Variants in TNNI3K observed in about 807,000 individuals in gnomAD.
The protein encoded by TNNI3K is serine/threonine-protein kinase TNNI3K.
A neutral mutation model predicts 114.5 loss-of-function variants in TNNI3K; 140 were observed. That is an observed-to-expected ratio of 1.22 (90% CI 1.07 to 1.41). The LOEUF is 1.41. Ranked by LOEUF, TNNI3K falls within the 40% of genes most tolerant of loss-of-function variation. The pLI, the probability that TNNI3K is intolerant of heterozygous loss-of-function variation, is 0.00. For missense variants in TNNI3K, 1,125 were observed against 1,007.6 expected (o/e 1.12, Z -1.58); for synonymous variants, 347 against 347.5 (o/e 1.00, Z 0.02).
chr1:74,480,761 G>C lies in TNNI3K; in HGVS notation c.2122-8428G>C, dbSNP rs373331354. ...GTGAAGCTTGCTGAAGGTGTGATCA[G>C]TGAGCGAAGAGCTGGATATTTGGTT... is the stretch of plus-strand genomic sequence containing the variant. On this transcript the variant is annotated intron_variant, in intron 21 of 24. Transcript: ENST00000326637. 6.7e-5 allele frequency: 48 copies of C among 717,530 alleles called. No homozygotes were observed. In the East Asian group the frequency reaches 1.3e-3, roughly 19 times the overall value. The allele number at this position is 717,530 out of a possible 1,614,324, so 44.4% of individuals were successfully genotyped here. A position where few individuals can be genotyped will look rare whatever the true frequency, so the allele number is the denominator to read the frequency against.
chr1:74,492,138 A>C lies in TNNI3K; in HGVS notation c.2223A>C (p.Ser741=), dbSNP rs762961584. Residue 741 remains serine (S), a synonymous_variant, in exon 23 of 25, where the codon TCA becomes TCC. Coordinates refer to ENST00000326637, the MANE Select transcript of TNNI3K (RefSeq NM_015978.3). ...CAAGTAACAGCAGTGGGTCTCTCTC[A>C]CCTTCTTCTTCTTCTGATTGCCTGG... ...PASSNSSGSL[S]PSSSSDCLVN... is the part of the protein sequence containing the mutation. The C allele has an allele frequency of 6.2e-7, 1 of 1,611,968 alleles. No homozygotes were observed. The highest frequency in any genetic ancestry group is 8.5e-7 in the Non-Finnish European group (1 of 1,178,544).
intron 20 of TNNI3K, among the ~76,000 whole-genome samples, chr1:74,446,896 C>T (rs1666718641): frequency 2.1e-5 from 3 of 143,094 alleles, no homozygotes; most frequent in South Asian, 4.8e-4. Context: ...TTCCATTGAT[C>T]TATATCTCTG....
chr1:74,470,437 G>A (rs1426166302), intron 21 of TNNI3K: 2 of 400,514 alleles, frequency 5.0e-6, no homozygotes, highest in Non-Finnish European at 8.8e-6. Flanking sequence ...CAATGCATTT[G>A]TGCTGTCAAT....
At chr1:74,409,492 C>CTTTTTTTT (rs540218540) in intron 17 of TNNI3K, among the ~76,000 whole-genome samples, 3 of 124,910 alleles carry the variant, frequency 2.4e-5, no homozygotes, top group Admixed American at 8.1e-5. Flanking sequence ...CTATTTGTTT[C>CTTTTTTTT]TTTTTTTTTT....
At chr1:74,475,607 C>A (rs1332147088) in intron 21 of TNNI3K, 1 of 717,324 alleles carries the variant, frequency 1.4e-6, no homozygotes, top group East Asian at 2.7e-5. Flanking sequence ...CTGGACCCCA[C>A]AGTGGACATG....
At chr1:74,486,484 TTG>T (rs1364173729) in intron 21 of TNNI3K, among the ~76,000 whole-genome samples, 3 of 143,212 alleles carry the variant, frequency 2.1e-5, no homozygotes, top group Admixed American at 7.1e-5. Context: ...ATCACTTTTT[TTG>T]TGTGTGTTTT....
chr1:74,471,628 TTCTG>T (rs1164564695), intron 21 of TNNI3K: 4 of 400,720 alleles, frequency 1.0e-5, no homozygotes, highest in South Asian at 2.5e-4. Context: ...ACTTTGATTT[TTCTG>T]TCGTTTCCAA....
intron 4 of TNNI3K, among the ~76,000 whole-genome samples, chr1:74,268,029 A>G: frequency 6.6e-6 from 1 of 151,966 alleles, no homozygotes; most frequent in Non-Finnish European, 1.5e-5. Context: ...ATTAATAAAT[A>G]TTTGTTGAAT....
At chr1:74,533,890 A>T (rs1255522181) in intron 23 of TNNI3K, among the ~76,000 whole-genome samples, 2 of 152,132 alleles carry the variant, frequency 1.3e-5, no homozygotes, top group Non-Finnish European at 1.5e-5. Flanking sequence ...TATTAAATGG[A>T]GTGTGTTTTA....
chr1:74,522,226 G>A (rs916541835), intron 23 of TNNI3K, among the ~76,000 whole-genome samples: 1 of 152,154 alleles, frequency 6.6e-6, no homozygotes, highest in Admixed American at 6.5e-5. Flanking sequence ...ATAGACTCAG[G>A]GGCTTCAAAG....
At chr1:74,351,278 A>C (rs1288005166) in intron 9 of TNNI3K, among the ~76,000 whole-genome samples, 3 of 150,790 alleles carry the variant, frequency 2.0e-5, no homozygotes, top group African/African-American at 7.4e-5. Context: ...TTTCTTTAAG[A>C]ATGTTGAATA....
chr1:74,357,891 T>A (rs1661747357), intron 11 of TNNI3K, among the ~76,000 whole-genome samples: 1 of 152,134 alleles, frequency 6.6e-6, no homozygotes, highest in South Asian at 2.1e-4. Flanking sequence ...TGAATCAATT[T>A]AAATTGGTCA....
chr1:74,424,912 A>G (rs1467224029), intron 17 of TNNI3K, among the ~76,000 whole-genome samples: 1 of 152,130 alleles, frequency 6.6e-6, no homozygotes, highest in East Asian at 1.9e-4. Context: ...CTGGAGAAAT[A>G]TGAGATCTGT....
At chr1:74,348,728 G>A (rs1289471783) in intron 9 of TNNI3K, among the ~76,000 whole-genome samples, 1 of 152,046 alleles carries the variant, frequency 6.6e-6, no homozygotes, top group African/African-American at 2.4e-5. Context: ...CTTGTAAGTT[G>A]GATTCCTAGG....
At chr1:74,481,713 T>C (rs1252820073) in intron 21 of TNNI3K, among the ~76,000 whole-genome samples, 3 of 152,192 alleles carry the variant, frequency 2.0e-5, no homozygotes, top group African/African-American at 7.2e-5. Context: ...GAGCTATCAC[T>C]GCTCTGTCAT....
intron 23 of TNNI3K, among the ~76,000 whole-genome samples, chr1:74,517,408 T>C (rs1255268176): frequency 1.3e-5 from 2 of 152,198 alleles, no homozygotes; most frequent in African/African-American, 2.4e-5. Flanking sequence ...GATTCATATG[T>C]CAAACCTTCA....
At chr1:74,439,314 A>G (rs1362653071) in intron 19 of TNNI3K, 176 bp from the exon 20 acceptor site, 16 of 904,262 alleles carry the variant, frequency 1.8e-5, no homozygotes, top group South Asian at 2.7e-5. Context: ...CACACTGTGT[A>G]TGTATAAACA....
At position 74,451,616 on chromosome 1, in the gene TNNI3K, T is replaced by C. The variant is rs969109029; in HGVS notation, c.2012-11825T>C. Among the ~76,000 whole-genome samples, 3 of 149,344 alleles carry C rather than the reference T, an allele frequency of 2.0e-5. No homozygotes were observed. The East Asian group carries it at 6.0e-4, about 30-fold the overall frequency. On this transcript the variant is annotated intron_variant, in intron 20 of 24. Transcript: ENST00000326637. ...TCCTTCCTTTCTTTTCTTTCTTTCC[T>C]TCCTTCCTTCCTTTTCTTTTTCTTT...
chr1:74,356,044 T>C (rs1265273052), intron 11 of TNNI3K, among the ~76,000 whole-genome samples: 1 of 152,160 alleles, frequency 6.6e-6, no homozygotes, highest in Non-Finnish European at 1.5e-5. Context: ...TCTCTTCCAA[T>C]CACTCCCCTA....
Sources: allele counts gnomAD v4.1 joint callset (sites outside exome capture counted in the v4.1 genomes callset), GRCh38; gene constraint gnomAD v4.1.1; transcripts MANE v1.5; gene names NCBI Gene and HGNC (gene_info 2026-07-23, HGNC 2026-07-21).